Variants in FGF14 observed in about 807,000 individuals in gnomAD.
FGF14 encodes fibroblast growth factor 14.
FGF14 carries 5 observed loss-of-function variants against 25.5 expected under a neutral mutation model. The observed-to-expected ratio is 0.20, with a 90% CI of 0.10 to 0.41. FGF14 has a LOEUF of 0.41. FGF14 is among the 10% of genes least tolerant of loss of function. The pLI is 1.00. For synonymous variants in FGF14, 138 were observed against 118.3 expected (o/e 1.17, Z -1.08); for missense variants, 222 against 320.1 (o/e 0.69, Z 2.34).
chr13:102,041,533 A>C (rs2041736606), intron 1 of FGF14, among the ~76,000 whole-genome samples: 1 of 132,144 alleles, frequency 7.6e-6, no homozygotes, highest in Admixed American at 8.5e-5. Context: ...TCCTTAAAAA[A>C]AAAAAACAGT....
chr13:101,753,777 TG>T (rs2037461398), intron 3 of FGF14, among the ~76,000 whole-genome samples: 1 of 149,186 alleles, frequency 6.7e-6, no homozygotes, highest in African/African-American at 2.5e-5. Flanking sequence ...CACTCCAGCC[TG>T]GGCAACAAGA....
chr13:102,132,532 A>C (rs530708339), intron 1 of FGF14, among the ~76,000 whole-genome samples: 4 of 129,468 alleles, frequency 3.1e-5, no homozygotes, highest in Non-Finnish European at 6.6e-5. Context: ...TTTTTTTTTG[A>C]GACAGAGTGC....
intron 3 of FGF14, among the ~76,000 whole-genome samples, chr13:101,805,377 T>C (rs565897797): frequency 2.0e-5 from 3 of 152,272 alleles, no homozygotes; most frequent in African/African-American, 4.8e-5. Flanking sequence ...TTTTAAAATA[T>C]AAGAAATATA....
At chr13:101,805,185 T>G (rs919000498) in intron 3 of FGF14, among the ~76,000 whole-genome samples, 1 of 152,102 alleles carries the variant, frequency 6.6e-6, no homozygotes, top group Non-Finnish European at 1.5e-5. Context: ...CCTGATAGGG[T>G]TGAGAAACAC....
intron 1 of FGF14, among the ~76,000 whole-genome samples, chr13:102,106,467 G>A (rs1046294702): frequency 6.6e-6 from 1 of 151,852 alleles, no homozygotes; most frequent in Admixed American, 6.6e-5. Flanking sequence ...CCAGTTATTT[G>A]GGAGGCTGAG....
At chr13:102,190,859 A>G (rs1196355490) in intron 1 of FGF14, among the ~76,000 whole-genome samples, 1 of 152,158 alleles carries the variant, frequency 6.6e-6, no homozygotes, top group Non-Finnish European at 1.5e-5. Context: ...CTGAATCTCA[A>G]TGAGAACAGT....
intron 1 of FGF14, among the ~76,000 whole-genome samples, chr13:102,082,798 CAA>C (rs11350767): frequency 2.7e-5 from 4 of 146,486 alleles, no homozygotes; most frequent in African/African-American, 7.8e-5. Context: ...ACTAAAAATA[CAA>C]AAAAAAAATT....
At chr13:101,792,391 G>GATGC (rs1454983324) in intron 3 of FGF14, among the ~76,000 whole-genome samples, 5 of 152,094 alleles carry the variant, frequency 3.3e-5, no homozygotes, top group Admixed American at 3.3e-4. Context: ...GTTGACAACT[G>GATGC]ATGCACAGGA....
chr13:102,220,341 A>T (rs891972276), intron 1 of FGF14, among the ~76,000 whole-genome samples: 1 of 152,192 alleles, frequency 6.6e-6, no homozygotes, highest in Non-Finnish European at 1.5e-5. Flanking sequence ...ATTCCAAAGA[A>T]AAAATTTCTA....
At chr13:101,834,873 C>A (rs1366019072) in intron 3 of FGF14, among the ~76,000 whole-genome samples, 4 of 152,084 alleles carry the variant, frequency 2.6e-5, no homozygotes, top group Non-Finnish European at 5.9e-5. Context: ...GTTCTGGTAC[C>A]ATAAGTTTCT....
intron 1 of FGF14, among the ~76,000 whole-genome samples, chr13:102,102,739 C>G (rs1448489532): frequency 6.6e-6 from 1 of 152,196 alleles, no homozygotes; most frequent in Admixed American, 6.5e-5. Context: ...ATCCTTCTAA[C>G]CTTCTGTGTA....
intron 1 of FGF14, among the ~76,000 whole-genome samples, chr13:102,152,405 T>C (rs1453415070): frequency 6.6e-6 from 1 of 152,198 alleles, no homozygotes; most frequent in African/African-American, 2.4e-5. Context: ...CCTCCTTGGT[T>C]TGTAGACACC....
chr13:102,137,185 G>C (rs183575110), intron 1 of FGF14, among the ~76,000 whole-genome samples: 2 of 152,242 alleles, frequency 1.3e-5, no homozygotes, highest in Admixed American at 6.5e-5. Flanking sequence ...TGTTTTTCCA[G>C]TGATCACAAT....
rs544337140 is a variant in FGF14 at position 101,939,024 on chromosome 13, C to T, written c.209-63728G>A. 2.4e-4 allele frequency among the ~76,000 whole-genome samples: 36 copies of T among 152,222 alleles called. 1 individual carries two copies. The East Asian group carries it at 6.4e-3, about 27-fold the overall frequency. On this transcript the variant is annotated intron_variant, in intron 1 of 4. Coordinates refer to the FGF14 transcript ENST00000376131. ...ACATTGTACATCATGCAGCACATCCCTTCCCAAAACCAAGTATTAACCAGC... is the reference window on the plus strand; with the variant it reads ...ACATTGTACATCATGCAGCACATCCTTTCCCAAAACCAAGTATTAACCAGC...
At chr13:102,186,083 A>G (rs2048862739) in intron 1 of FGF14, among the ~76,000 whole-genome samples, 1 of 152,218 alleles carries the variant, frequency 6.6e-6, no homozygotes. Context: ...ACCAGCATTA[A>G]CATGATGTGA....
chr13:102,303,482 T>G (rs919070644), intron 1 of FGF14, among the ~76,000 whole-genome samples: 1 of 152,206 alleles, frequency 6.6e-6, no homozygotes, highest in African/African-American at 2.4e-5. Context: ...AATTGCCAAA[T>G]GAATAATTGA....
chr13:101,780,404 TCTAA>T (rs1288704400), intron 3 of FGF14, among the ~76,000 whole-genome samples: 2 of 152,120 alleles, frequency 1.3e-5, no homozygotes, highest in Admixed American at 6.5e-5. Flanking sequence ...CACCATATGC[TCTAA>T]CTTTTTTTTC....
chr13:102,118,221 C>T (rs530259437), intron 1 of FGF14, among the ~76,000 whole-genome samples: 70 of 151,276 alleles, frequency 4.6e-4, no homozygotes, highest in East Asian at 7.7e-4. Flanking sequence ...ATATTGTATA[C>T]GATAAATAAT....
At chr13:102,244,180 A>C (rs886150032) in intron 1 of FGF14, among the ~76,000 whole-genome samples, 8 of 152,048 alleles carry the variant, frequency 5.3e-5, no homozygotes, top group Non-Finnish European at 1.0e-4. Flanking sequence ...TATTACTCTG[A>C]GACTGAATCT....
Sources: gnomAD v4.1 joint callset for allele counts (sites outside exome capture counted in the v4.1 genomes callset) on GRCh38, gnomAD v4.1.1 for gene constraint, MANE v1.5 for transcripts, NCBI Gene and HGNC (gene_info 2026-07-23, HGNC 2026-07-21) for gene names.